The following PLXDC1 variants were observed in gnomAD, a reference collection of about 807,000 sequenced individuals.
PLXDC1 encodes plexin domain-containing protein 1.
Under a neutral mutation model 61.3 loss-of-function variants are expected in PLXDC1, and 39 were observed. That is an observed-to-expected ratio of 0.64 (90% CI 0.49 to 0.83). The LOEUF (loss-of-function observed/expected upper bound fraction) is 0.83, where lower values mean the gene tolerates loss of function less well. Among genes scored for constraint, PLXDC1 ranks in the 40% least tolerant of loss-of-function variants. The pLI is 0.00. For synonymous variants in PLXDC1, 212 were observed against 254.5 expected (o/e 0.83, Z 1.59); for missense variants, 596 against 666.5 (o/e 0.89, Z 1.17).
chr17:39,126,879 C>T (rs372283331), intron 2 of PLXDC1: 3 of 152,302 alleles, frequency 2.0e-5, no homozygotes, highest in Admixed American at 1.3e-4. Flanking sequence ...GTGACCACAA[C>T]GATGTCATTG....
chr17:39,083,734 C>T (rs1040010961), intron 8 of PLXDC1, among the ~76,000 whole-genome samples, 194 bp from the exon 9 acceptor site: 2 of 149,570 alleles, frequency 1.3e-5, no homozygotes, highest in South Asian at 2.1e-4. Context: ...GATGAGGTCT[C>T]GCTGTGTTGC....
At chr17:39,094,784 C>T (rs1910087400) in intron 7 of PLXDC1, among the ~76,000 whole-genome samples, 1 of 152,194 alleles carries the variant, frequency 6.6e-6, no homozygotes, top group Non-Finnish European at 1.5e-5. Context: ...CACGCCCTCC[C>T]TCCCCAGCCC....
Position 39,091,766 on chromosome 17 carries a change from T to C in PLXDC1, c.812-4064A>G, listed in dbSNP as rs58918253. Among the ~76,000 whole-genome samples the C allele has an allele frequency of 5.8e-3, 880 of 152,086 alleles. 8 individuals are homozygous for C. Among genetic ancestry groups the C allele is most frequent in the African/African-American group, 0.02 (816 of 41,466 alleles). On this transcript the variant is annotated intron_variant, in intron 7 of 13. Transcript: ENST00000315392. ...TGAGGTCAGGAGTTTGCAACCAGTC[T>C]GGCCAACATGGTGAAACCCCGTCTC...
intron 13 of PLXDC1, 78 bp from the exon 14 acceptor site, chr17:39,068,037 C>T (rs1908963448): frequency 5.0e-6 from 7 of 1,413,118 alleles, no homozygotes; most frequent in Non-Finnish European, 6.9e-6. Flanking sequence ...GCGACAGAGC[C>T]AACCAAGACT....
intron 2 of PLXDC1, among the ~76,000 whole-genome samples, chr17:39,110,171 G>A (rs1910748867): frequency 6.6e-6 from 1 of 152,048 alleles, no homozygotes; most frequent in Non-Finnish European, 1.5e-5. Context: ...CAGTCTAAAG[G>A]AGGAGGCTGC....
In PLXDC1 at chr17:39,072,432, AG is replaced by A. The variant is rs776047917; in HGVS notation, c.1222+17del. 1 of 1,539,498 alleles carries A rather than the reference AG, an allele frequency of 6.5e-7. No individual in the cohort carries two copies. The highest frequency in any genetic ancestry group is 1.2e-5 in the South Asian group (1 of 84,036). On this transcript the variant is annotated intron_variant, in intron 12 of 13. Transcript: ENST00000315392. ...AGGCGCTGGGTCTGACGCTGAGGGC[AG>A]GCAGTTCTGTACTCACCGTCTCCTC...
At chr17:39,150,506 C>T (rs1000770810) in intron 1 of PLXDC1, among the ~76,000 whole-genome samples, 12 of 152,132 alleles carry the variant, frequency 7.9e-5, no homozygotes, top group Admixed American at 3.3e-4. Flanking sequence ...TTACCCATCT[C>T]CCCAACCCCA....
Position 39,108,859 on chromosome 17 carries a change from C to A in PLXDC1, c.469+45G>T, listed in dbSNP as rs778231586. On this transcript the variant is annotated intron_variant, in intron 4 of 13. Coordinates refer to ENST00000315392, the MANE Select transcript of PLXDC1 (RefSeq NM_020405.5). ...CCCTGGGAGGGCCCCTGAGTTCGGG[C>A]TGAGGTCTCCAGACTCTCCCCGGGG... The A allele has an allele frequency of 4.3e-6, 6 of 1,384,414 alleles. No individual in the cohort carries two copies. The Admixed American group carries it at 8.7e-5, about 20-fold the overall frequency. 85.8% of individuals were successfully genotyped at this position (1,384,414 alleles called of 1,614,324 possible).
intron 2 of PLXDC1, among the ~76,000 whole-genome samples, chr17:39,122,549 C>G (rs776503714): frequency 6.6e-6 from 1 of 152,096 alleles, no homozygotes; most frequent in East Asian, 1.9e-4. Flanking sequence ...CAACACCAGG[C>G]CAGTCTATCC....
At chr17:39,122,110 AAGG>A (rs1241798380) in intron 2 of PLXDC1, among the ~76,000 whole-genome samples, 6 of 102,430 alleles carry the variant, frequency 5.9e-5, no homozygotes, top group East Asian at 2.9e-4. Flanking sequence ...AAAAAAAAAA[AAGG>A]GGGGGGGGAC....
At chr17:39,147,018 C>T (rs971234784) in intron 1 of PLXDC1, among the ~76,000 whole-genome samples, 7 of 141,730 alleles carry the variant, frequency 4.9e-5, no homozygotes, top group East Asian at 4.2e-4. Flanking sequence ...TGTAGTGGCA[C>T]GATCTCGGCT....
At chr17:39,083,115 CCAGAGATCCTGATA>C (rs1327850422) in intron 9 of PLXDC1, among the ~76,000 whole-genome samples, 4 of 152,160 alleles carry the variant, frequency 2.6e-5, no homozygotes, top group African/African-American at 7.2e-5. Context: ...GGGTTCTCTC[CCAGAGATCCTGATA>C]CAGAGGGTCT....
Position 39,108,932 on chromosome 17 carries a change from A to T in PLXDC1, c.441T>A (p.Pro147=). The T allele has an allele frequency of 6.2e-7, 1 of 1,613,704 alleles. No homozygotes were observed. The highest frequency in any genetic ancestry group is 1.1e-5 in the South Asian group (1 of 90,972). ...LSFDFPFYGH[P]LRQITIATGG... ...CAGTTGCTATGGTGATCTGCCGCAG[A>T]GGATGCCCGTAGAAAGGGAAATCAA... The change falls in exon 4 of 14, where the codon CCT becomes CCA. Residue 147 remains proline, a synonymous_variant. Transcript: ENST00000315392.
chr17:39,149,415 C>T (rs61403852), intron 1 of PLXDC1, among the ~76,000 whole-genome samples: 11 of 152,312 alleles, frequency 7.2e-5, no homozygotes, highest in Non-Finnish European at 7.3e-5. Context: ...CCCAGACACC[C>T]GCTTCCTCCT....
intron 2 of PLXDC1, among the ~76,000 whole-genome samples, chr17:39,130,099 G>T (rs1242887113): frequency 4.6e-5 from 7 of 152,168 alleles, no homozygotes; most frequent in African/African-American, 1.7e-4. Flanking sequence ...CAGGGGTTGG[G>T]GTGGAGGAGT....
At chr17:39,151,966 C>T (rs1048616299), upstream of PLXDC1, among the ~76,000 whole-genome samples, 2 of 152,162 alleles carry the variant, frequency 1.3e-5, no homozygotes, top group African/African-American at 4.8e-5. The surrounding 1 kb of genome is among the most constrained non-coding windows in gnomAD (Gnocchi z 5.2). Context: ...GGGACAGGCG[C>T]CCCATCCCTG....
intron 2 of PLXDC1, among the ~76,000 whole-genome samples, chr17:39,120,758 ATTTTTTTT>A (rs57148436): frequency 8.0e-6 from 1 of 124,366 alleles, no homozygotes; most frequent in African/African-American, 3.0e-5. Flanking sequence ...CACCCAGCTA[ATTTTTTTT>A]TTTTTTTTTT....
intron 5 of PLXDC1, 103 bp from the exon 6 acceptor site, chr17:39,107,628 C>T (rs183512330): frequency 4.4e-5 from 38 of 856,124 alleles, no homozygotes; most frequent in East Asian, 3.0e-4. Context: ...TGGGTCCCTT[C>T]GGGATGATGG....
upstream of PLXDC1, chr17:39,151,650 G>T (rs1230240329): frequency 2.4e-6 from 2 of 835,512 alleles, no homozygotes; most frequent in Non-Finnish European, 2.9e-6. This position sits in a 1 kb window ranked among gnomAD's most constrained non-coding sequence, Gnocchi z 5.2. Flanking sequence ...GCGGGGAGCT[G>T]GGGGGGCCGC....
Sources: allele counts gnomAD v4.1 joint callset (sites outside exome capture counted in the v4.1 genomes callset), GRCh38; gene constraint gnomAD v4.1.1; non-coding constraint Gnocchi (gnomAD v3.1); transcripts MANE v1.5; gene names NCBI Gene and HGNC (gene_info 2026-07-23, HGNC 2026-07-21).